NADSYN1: variants seen among roughly 807,000 people sequenced by gnomAD.
NADSYN1 encodes the protein NAD synthetase 1, also known as glutamine-dependent NAD(+) synthetase.
In NADSYN1, 80 loss-of-function variants were observed where a neutral mutation model predicts 99.3. The ratio of observed to expected loss-of-function variants is 0.81; its 90% CI spans 0.67 to 0.97. The LOEUF is 0.97. NADSYN1 is among the 50% of genes least tolerant of loss of function. NADSYN1 has a pLI of 0.00. For synonymous variants in NADSYN1, 385 were observed against 372.1 expected, an observed-to-expected ratio of 1.03 and a Z score of -0.40; for missense variants, 859 against 948.5, an observed-to-expected ratio of 0.91 and a Z score of 1.24.
At chr11:71,494,448 C>T (rs1307034780) in intron 18 of NADSYN1, among the ~76,000 whole-genome samples, 3 of 152,332 alleles carry the variant, frequency 2.0e-5, no homozygotes, top group East Asian at 1.9e-4. Flanking sequence ...AGGATGTTCA[C>T]ACGACGCAGT....
chr11:71,500,305 G>A (rs1949848957), intron 20 of NADSYN1, among the ~76,000 whole-genome samples: 1 of 152,226 alleles, frequency 6.6e-6, no homozygotes, highest in Non-Finnish European at 1.5e-5. Flanking sequence ...CCTCATGATC[G>A]GTGACAGCAT....
intron 10 of NADSYN1, chr11:71,479,864 C>T (rs895784529): frequency 6.6e-6 from 1 of 152,256 alleles, no homozygotes; most frequent in Non-Finnish European, 1.5e-5. Context: ...ACTGTATCTT[C>T]TGTCTGTGTG....
intron 5 of NADSYN1, among the ~76,000 whole-genome samples, chr11:71,468,997 C>CTG (rs534375843): frequency 6.6e-6 from 1 of 152,124 alleles, no homozygotes; most frequent in Non-Finnish European, 1.5e-5. Context: ...TGGAGATTGC[C>CTG]TGTGTGTGTG....
At chr11:71,464,342 C>T (rs532446745) in intron 5 of NADSYN1, 200 bp downstream of exon 5, 152 of 521,778 alleles carry the variant, frequency 2.9e-4, no homozygotes, top group African/African-American at 2.7e-3. Flanking sequence ...AAATGAAAGC[C>T]CCCTCCACAG....
intron 20 of NADSYN1, among the ~76,000 whole-genome samples, chr11:71,500,388 CG>C (rs1949849654): frequency 6.6e-6 from 1 of 151,896 alleles, no homozygotes; most frequent in African/African-American, 2.4e-5. Context: ...GTTGACCCCC[CG>C]AGGAGACATT....
chr11:71,463,634 C>T (rs566440718), intron 4 of NADSYN1, 149 bp downstream of exon 4: 48 of 699,866 alleles, frequency 6.9e-5, no homozygotes, highest in Admixed American at 2.0e-4. Flanking sequence ...GGCCGATGCA[C>T]CAGGCAGGTG....
intron 16 of NADSYN1, among the ~76,000 whole-genome samples, chr11:71,486,491 CCATT>C (rs1159032733): frequency 6.6e-6 from 1 of 152,024 alleles, no homozygotes; most frequent in East Asian, 1.9e-4. Flanking sequence ...ACTCATCCAT[CCATT>C]CATTCACCCA....
rs572558730 is a variant in NADSYN1 at position 71,468,428 on chromosome 11, A to T, written c.408-4021A>T. Among the ~76,000 whole-genome samples, 3 of 152,356 alleles carry T rather than the reference A, an allele frequency of 2.0e-5. No individual in the cohort carries two copies. The South Asian group carries it at 6.2e-4, about 32-fold the overall frequency. ...GCTCTGTAGGAGGGTAAAGATAAAG[A>T]TACTGATCAATTTTTGACTTTAGTT... On this transcript the variant is annotated intron_variant, in intron 5 of 20. Coordinates refer to ENST00000319023, the MANE Select transcript of NADSYN1 (RefSeq NM_018161.5).
At chr11:71,477,721 A>G (rs1949678714) in intron 9 of NADSYN1, among the ~76,000 whole-genome samples, 1 of 152,234 alleles carries the variant, frequency 6.6e-6, no homozygotes, top group Non-Finnish European at 1.5e-5. Context: ...CAGCACGTCC[A>G]GGCCAAGACC....
At chr11:71,461,142 T>G (rs979213070) in intron 3 of NADSYN1, among the ~76,000 whole-genome samples, 9 of 152,182 alleles carry the variant, frequency 5.9e-5, no homozygotes, top group African/African-American at 2.2e-4. Flanking sequence ...CCTGGTGCGT[T>G]GTTCGGTGTG....
intron 9 of NADSYN1, among the ~76,000 whole-genome samples, chr11:71,478,079 T>A (rs1949681388): frequency 6.6e-6 from 1 of 151,828 alleles, no homozygotes; most frequent in South Asian, 2.1e-4. Flanking sequence ...GGGGGTGTCT[T>A]ACTGACAGGG....
intron 5 of NADSYN1, 61 bp downstream of exon 5, chr11:71,464,203 T>G (rs1418710608): frequency 7.3e-7 from 1 of 1,369,208 alleles, no homozygotes; most frequent in Non-Finnish European, 1.0e-6. Context: ...GTGTGTAGCC[T>G]TGGGTCCTGA....
chr11:71,471,351 A>G (rs1949625557), intron 5 of NADSYN1, among the ~76,000 whole-genome samples: 1 of 152,256 alleles, frequency 6.6e-6, no homozygotes, highest in Non-Finnish European at 1.5e-5. Flanking sequence ...CCCCTGCTTT[A>G]GTAAAGAGTA....
At chr11:71,462,494 C>T (rs560391133) in intron 3 of NADSYN1, among the ~76,000 whole-genome samples, 1 of 152,218 alleles carries the variant, frequency 6.6e-6, no homozygotes, top group African/African-American at 2.4e-5. Flanking sequence ...TATTGAGTGA[C>T]GTCTTCTGTC....
At chr11:71,479,263 A>G (rs182378852) in intron 10 of NADSYN1, 1 of 142,740 alleles carries the variant, frequency 7.0e-6, no homozygotes, top group Non-Finnish European at 1.5e-5. Flanking sequence ...ATTTTTTTTA[A>G]TTTTTTTTTT....
chr11:71,461,635 G>A (rs973569767), intron 3 of NADSYN1, among the ~76,000 whole-genome samples: 3 of 152,004 alleles, frequency 2.0e-5, no homozygotes, highest in African/African-American at 4.8e-5. Flanking sequence ...CATCATATTG[G>A]TCAAGCTGGT....
At chr11:71,463,174 G>A (rs562255868) in intron 3 of NADSYN1, among the ~76,000 whole-genome samples, 2 of 152,294 alleles carry the variant, frequency 1.3e-5, no homozygotes, top group Non-Finnish European at 1.5e-5. Context: ...AGAACCCTGT[G>A]GTGGAATGAA....
intron 14 of NADSYN1, 88 bp from the exon 15 acceptor site, chr11:71,484,224 T>G: frequency 1.9e-6 from 3 of 1,545,190 alleles, no homozygotes; most frequent in Non-Finnish European, 2.6e-6. Flanking sequence ...AATGGTCAGT[T>G]TTAGGTCATC....
intron 16 of NADSYN1, among the ~76,000 whole-genome samples, chr11:71,487,720 A>G (rs1190232699): frequency 2.0e-5 from 3 of 148,806 alleles, no homozygotes; most frequent in Non-Finnish European, 4.5e-5. Flanking sequence ...AGTCCCAGCT[A>G]CTTGGGAGGC....
Sources: gnomAD v4.1 joint callset for allele counts (sites outside exome capture counted in the v4.1 genomes callset) on GRCh38, gnomAD v4.1.1 for gene constraint, MANE v1.5 for transcripts, NCBI Gene and HGNC (gene_info 2026-07-23, HGNC 2026-07-21) for gene names.